The following ZNF841 variants were observed in gnomAD, a reference collection of about 807,000 sequenced individuals.
ZNF841 encodes the protein zinc finger protein 841.
A neutral mutation model predicts 13.0 loss-of-function variants in ZNF841; 11 were observed. That is an observed-to-expected ratio of 0.85 (90% CI 0.53 to 1.40). The LOEUF (loss-of-function observed/expected upper bound fraction) is 1.40. ZNF841 is among the 40% of genes most tolerant of loss of function. ZNF841 has a pLI of 0.00. For synonymous variants in ZNF841, 369 were observed against 381.6 expected (o/e 0.97, Z 0.38); for missense variants, 1,068 against 1,139.5 (o/e 0.94, Z 0.90).
intron 3 of ZNF841, 80 bp from the exon 4 acceptor site, chr19:52,084,958 C>T: frequency 1.3e-6 from 1 of 750,182 alleles, no homozygotes; most frequent in South Asian, 1.9e-5. Flanking sequence ...ACAGGGAAGG[C>T]CTCAGCATGT....
chr19:52,075,161 G>C (rs996910684), intron 6 of ZNF841, among the ~76,000 whole-genome samples: 1 of 152,088 alleles, frequency 6.6e-6, no homozygotes, highest in Non-Finnish European at 1.5e-5. Flanking sequence ...TAAAATGTCC[G>C]ACCCTAGAAA....
chr19:52,077,060 C>T lies in ZNF841; in HGVS notation c.40G>A (p.Ala14Thr). 2 of 1,612,102 alleles carry T rather than the reference C, an allele frequency of 1.2e-6. No individual in the cohort carries two copies. Among genetic ancestry groups the T allele is most frequent in the Non-Finnish European group, 1.7e-6 (2 of 1,178,920 alleles). The change falls in exon 5 of 7, where the codon GCT (alanine) becomes ACT (threonine). Residue 14 changes from alanine (A) to threonine (T), a missense_variant. Transcript: ENST00000594440. ...CACTCCTCCTGAGAGAATTCTACAG[C>T]CACATCCCTGAATGTCAAAGATCCC... ...PQGSLTFRDV[A>T]VEFSQEEWKC...
At chr19:52,095,115 A>G (rs569044461) in intron 1 of ZNF841, among the ~76,000 whole-genome samples, 1 of 152,266 alleles carries the variant, frequency 6.6e-6, no homozygotes, top group South Asian at 2.1e-4. Context: ...CACATTTTCC[A>G]GTGGAGTAAA....
At chr19:52,081,236 TA>T (rs1469643856) in intron 4 of ZNF841, among the ~76,000 whole-genome samples, 3 of 152,198 alleles carry the variant, frequency 2.0e-5, no homozygotes, top group Non-Finnish European at 4.4e-5. Context: ...ATGTAAATGC[TA>T]CATAAGTAGT....
At chr19:52,062,881 T>C (rs1452672314), downstream of ZNF841, among the ~76,000 whole-genome samples, 1 of 149,524 alleles carries the variant, frequency 6.7e-6, no homozygotes, top group Non-Finnish European at 1.5e-5. Context: ...ATTTTTTTTT[T>C]TTTTTTTTTT....
chr19:52,059,348 T>TAAAAAAAAAA, the ZNF841 span, among the ~76,000 whole-genome samples: 21 of 45,988 alleles, frequency 4.6e-4, no homozygotes, highest in African/African-American at 2.2e-3. Context: ...AGACTCTGTC[T>TAAAAAAAAAA]AAAAAAAAAA....
At chr19:52,090,642 GGAAGGAAGGAAGGAAA>G (rs1337450788) in intron 2 of ZNF841, among the ~76,000 whole-genome samples, 1 of 95,378 alleles carries the variant, frequency 1.0e-5, no homozygotes, top group East Asian at 3.1e-4. Flanking sequence ...AAGGAAGGAA[GGAAGGAAGGAAGGAAA>G]GAAAGAAAGA....
At chr19:52,076,280 A>T in intron 5 of ZNF841, 108 bp from the exon 6 acceptor site, 2 of 1,351,086 alleles carry the variant, frequency 1.5e-6, no homozygotes, top group Non-Finnish European at 2.0e-6. Flanking sequence ...TATTTCACAA[A>T]CTCATCCATT....
In ZNF841 at chr19:52,065,693, C is replaced by G; in HGVS notation, c.2189G>C (p.Arg730Thr). 1 of 1,602,876 alleles carries G rather than the reference C, an allele frequency of 6.2e-7. No individual in the cohort carries two copies. Among genetic ancestry groups the G allele is most frequent in the African/African-American group, 1.3e-5 (1 of 74,790 alleles). Residue 730 changes from arginine to threonine, a missense_variant, in exon 7 of 7, where the codon AGA becomes ACA. Transcript: ENST00000594440. Reference sequence around the variant, plus strand: ...TTTGTATGGCATCTCTCCAGTATGTCTTCTCTGATGGTACACCAGACTTGT... The same window carrying G: ...TTTGTATGGCATCTCTCCAGTATGTGTTCTCTGATGGTACACCAGACTTGT... The part of the protein sequence containing the change: ...HKTSLVYHQR[R>T]HTGEMPYKCI...
downstream of ZNF841, among the ~76,000 whole-genome samples, chr19:52,064,234 T>C (rs1372253881): frequency 6.6e-6 from 1 of 151,680 alleles, no homozygotes; most frequent in Admixed American, 6.6e-5. Flanking sequence ...TAGTCCCAGC[T>C]ACTCGGGAGG....
downstream of ZNF841, among the ~76,000 whole-genome samples, chr19:52,059,698 T>C (rs1389545739): frequency 2.0e-5 from 3 of 152,120 alleles, no homozygotes; most frequent in African/African-American, 7.2e-5. Context: ...CCTGTGATCC[T>C]GAGGCAGGAG....
At chr19:52,070,803 A>G (rs2087717935) in intron 6 of ZNF841, among the ~76,000 whole-genome samples, 1 of 152,228 alleles carries the variant, frequency 6.6e-6, no homozygotes, top group Non-Finnish European at 1.5e-5. Flanking sequence ...ACAGTGGTCA[A>G]GTGAATGAGT....
Position 52,076,061 on chromosome 19 carries a change from A to G in ZNF841, c.254T>C (p.Met85Thr). 6.4e-7 allele frequency: 1 copy of G among 1,552,872 alleles called. No homozygotes were observed. Among genetic ancestry groups the G allele is most frequent in the Non-Finnish European group, 8.7e-7 (1 of 1,147,632 alleles). The change falls in exon 6 of 7, where the codon ATG becomes ACG. Residue 85 changes from methionine (M) to threonine (T), a missense_variant. Met to Thr is a moderately conservative substitution (Grantham distance 81, BLOSUM62 -1). Coordinates refer to ENST00000594440, the MANE Select transcript of ZNF841 (RefSeq NM_001136499.2). ...GCTCTTACCGGTGATCACGCCTTTC[A>G]TGCATTCCCCACAGTTTGGGTTCCT... ...IARNPNCGEC[M>T]KGVITGISPK... is the part of the protein sequence containing the mutation.
chr19:52,078,572 G>A (rs1024805589), intron 4 of ZNF841, among the ~76,000 whole-genome samples: 8 of 151,572 alleles, frequency 5.3e-5, no homozygotes, highest in Non-Finnish European at 7.4e-5. Context: ...GGTGGCCGGC[G>A]CCTGTAATCC....
chr19:52,076,007 A>T, intron 6 of ZNF841, 37 bp downstream of exon 6: 1 of 1,549,072 alleles, frequency 6.5e-7, no homozygotes, highest in South Asian at 1.2e-5. Context: ...ACACAATTTC[A>T]TGGTACCGCT....
Position 52,076,876 on chromosome 19 carries a change from A to C in ZNF841, c.142+82T>G. On this transcript the variant is annotated intron_variant, in intron 5 of 6. Coordinates refer to ENST00000594440, the MANE Select transcript of ZNF841 (RefSeq NM_001136499.2). Reference sequence around the variant, plus strand: ...GGCTTCAGTCTCTGTCAAATAATGTAGGGCCTCACAAGAAACACAATAAGG... The same window carrying C: ...GGCTTCAGTCTCTGTCAAATAATGTCGGGCCTCACAAGAAACACAATAAGG... 3 of 1,521,026 alleles carry C rather than the reference A, an allele frequency of 2.0e-6. No homozygotes were observed. In the East Asian group the frequency reaches 7.1e-5, roughly 36 times the overall value. 94.2% of individuals were successfully genotyped at this position (1,521,026 alleles called of 1,614,324 possible). A position where few individuals can be genotyped will look rare whatever the true frequency, so the allele number is the denominator to read the frequency against.
intron 4 of ZNF841, among the ~76,000 whole-genome samples, chr19:52,078,857 T>C (rs374468939): frequency 6.6e-6 from 1 of 152,070 alleles, no homozygotes; most frequent in Non-Finnish European, 1.5e-5. Flanking sequence ...TGTGAAAAGA[T>C]AATAGGCTGA....
Position 52,066,479 on chromosome 19 carries a change from T to G in ZNF841, c.1403A>C (p.Gln468Pro). ...CCGGTGCCCTGCAAGACGTGAACGT[T>G]GAAAGAAGACCTTGCCACATTCATT... ...KCNECGKVFF[Q>P]RSRLAGHRRI... The change falls in exon 7 of 7, where the codon CAA becomes CCA. Residue 468 changes from glutamine (Q) to proline (P), a missense_variant. Coordinates refer to ENST00000594440, the MANE Select transcript of ZNF841 (RefSeq NM_001136499.2). 6.2e-7 allele frequency: 1 copy of G among 1,614,020 alleles called. No individual in the cohort carries two copies. The highest frequency in any genetic ancestry group is 8.5e-7 in the Non-Finnish European group (1 of 1,179,948).
chr19:52,080,846 T>C (rs2088076800), intron 4 of ZNF841, among the ~76,000 whole-genome samples: 1 of 152,210 alleles, frequency 6.6e-6, no homozygotes, highest in Admixed American at 6.5e-5. Context: ...CTAGCTGAGT[T>C]GACTCCAGAG....
Sources: gnomAD v4.1 joint callset for allele counts (sites outside exome capture counted in the v4.1 genomes callset) on GRCh38, gnomAD v4.1.1 for gene constraint, MANE v1.5 for transcripts, NCBI Gene and HGNC (gene_info 2026-07-23, HGNC 2026-07-21) for gene names.